HDAC8: variants seen among roughly 807,000 people sequenced by gnomAD.
The protein encoded by HDAC8 is histone deacetylase-like 1.
A neutral mutation model predicts 32.2 loss-of-function variants in HDAC8; 1 was observed. That is an observed-to-expected ratio of 0.03 (90% CI 0.01 to 0.15). The LOEUF is 0.15. HDAC8 is among the 10% of genes least tolerant of loss of function. HDAC8 has a pLI of 1.00. For missense variants in HDAC8, 117 were observed against 300.0 expected (o/e 0.39, Z 4.51); for synonymous variants, 108 against 113.9 (o/e 0.95, Z 0.33).
rs782008269 is a variant in HDAC8 at position 72,536,085 on chromosome X, T to C, written c.437+31804A>G. 7.1e-5 allele frequency among the ~76,000 whole-genome samples: 8 copies of C among 111,946 alleles called. No homozygotes were observed. The South Asian group carries it at 3.0e-3, about 42-fold the overall frequency. ...AATGTCCAAACCTTGTTATGATATCTTCTGTGGGCTCCTTTTCGTAACACC... is the reference window on the plus strand; with the variant it reads ...AATGTCCAAACCTTGTTATGATATCCTCTGTGGGCTCCTTTTCGTAACACC... On this transcript the variant is annotated intron_variant, in intron 4 of 10. Coordinates refer to ENST00000373573, the MANE Select transcript of HDAC8 (RefSeq NM_018486.3).
intron 9 of HDAC8, among the ~76,000 whole-genome samples, chrX:72,418,780 T>A (rs1424030095): frequency 9.0e-6 from 1 of 111,478 alleles, no homozygotes; most frequent in African/African-American, 3.3e-5. Flanking sequence ...TATATGTAGA[T>A]TGTTGATTTA....
intron 4 of HDAC8, among the ~76,000 whole-genome samples, chrX:72,509,692 T>G (rs1450012257): frequency 1.8e-5 from 2 of 110,389 alleles, no homozygotes; most frequent in African/African-American, 6.6e-5. Context: ...AAGCGAAGAG[T>G]GGAATGGTAG....
At chrX:72,562,775 T>C (rs1556123633) in intron 4 of HDAC8, among the ~76,000 whole-genome samples, 1 of 111,554 alleles carries the variant, frequency 9.0e-6, no homozygotes, top group Admixed American at 9.5e-5. Flanking sequence ...TATATTATTG[T>C]TATTCTAAGA....
chrX:72,411,816 A>G lies in HDAC8; in HGVS notation c.1005+50188T>C, dbSNP rs180839340. Among the ~76,000 whole-genome samples, 5 of 112,209 alleles carry G rather than the reference A, an allele frequency of 4.5e-5. No homozygotes were observed. In the East Asian group the frequency reaches 1.4e-3, roughly 31 times the overall value. ...GACAGTAAGAGGACTCATGCTCCAA[A>G]TCAGGGAGAATCGCCAAAGCTTGGG... On this transcript the variant is annotated intron_variant, in intron 9 of 10. Coordinates refer to ENST00000373573, the MANE Select transcript of HDAC8 (RefSeq NM_018486.3).
In HDAC8 at chrX:72,380,608, C is replaced by T. The variant is rs1412406367; in HGVS notation, c.1006-28770G>A. 2.2e-4 allele frequency among the ~76,000 whole-genome samples: 25 copies of T among 111,598 alleles called. No individual in the cohort carries two copies. The Admixed American group carries it at 2.4e-3, about 11-fold the overall frequency. On this transcript the variant is annotated intron_variant, in intron 9 of 10. Transcript: ENST00000373573. ...CTATGGCTGCTTTTGTGTACAACAGCAGAATTGAGTAGTTGGGACAGAAAT... is the reference window on the plus strand; with the variant it reads ...CTATGGCTGCTTTTGTGTACAACAGTAGAATTGAGTAGTTGGGACAGAAAT...
chrX:72,449,255 A>G (rs1269114387), intron 9 of HDAC8, among the ~76,000 whole-genome samples: 2 of 111,737 alleles, frequency 1.8e-5, no homozygotes, highest in East Asian at 5.6e-4. Context: ...AGCCATAAAA[A>G]AGGATGAGTT....
At position 72,379,647 on chromosome X, in the gene HDAC8, G is replaced by A. The variant is rs193198361; in HGVS notation, c.1006-27809C>T. Reference sequence around the variant, plus strand: ...CAAGTAGCTAGGATTACAGGCATGCGCCATGACGCCCGGCTAATTTTCTTT... The same window carrying A: ...CAAGTAGCTAGGATTACAGGCATGCACCATGACGCCCGGCTAATTTTCTTT... On this transcript the variant is annotated intron_variant, in intron 9 of 10. Transcript: ENST00000373573. 1.2e-3 allele frequency among the ~76,000 whole-genome samples: 134 copies of A among 108,953 alleles called. No homozygotes were observed. The South Asian group carries it at 0.019, about 15-fold the overall frequency. The allele number at this position is 108,953 out of a possible 115,157, so 94.6% of individuals were successfully genotyped here.
chrX:72,411,106 A>G (rs2046184017), intron 9 of HDAC8, among the ~76,000 whole-genome samples: 1 of 105,098 alleles, frequency 9.5e-6, no homozygotes, highest in Non-Finnish European at 1.9e-5. Context: ...GCTCACTGCA[A>G]CCTCTGCCTG....
intron 9 of HDAC8, among the ~76,000 whole-genome samples, chrX:72,390,421 C>T (rs2045582247): frequency 8.9e-6 from 1 of 112,330 alleles, no homozygotes; most frequent in South Asian, 3.7e-4. Context: ...ATTCAAAATT[C>T]ACTCTTCTAG....
intron 10 of HDAC8, 133 bp from the exon 11 acceptor site, chrX:72,330,209 G>A (rs1171878136): frequency 2.5e-5 from 12 of 488,927 alleles, no homozygotes; most frequent in African/African-American, 1.9e-4. Flanking sequence ...CTGTGACCTC[G>A]CCATAAGGAA....
Position 72,495,259 on chromosome X carries a change from T to C in HDAC8, c.447A>G (p.Ala149=). The C allele has an allele frequency of 8.4e-7, 1 of 1,192,663 alleles. No individual in the cohort carries two copies. Among genetic ancestry groups the C allele is most frequent in the Non-Finnish European group, 1.1e-6 (1 of 880,141 alleles). ...CATCATTGAGATAACAAAAACCAGATGCTTCATCTCTGTAAGAAAACAAGT... is the reference window on the plus strand; with the variant it reads ...CATCATTGAGATAACAAAAACCAGACGCTTCATCTCTGTAAGAAAACAAGT... ...GGWHHAKKDE[A]SGFCYLNDAV... is the part of the protein sequence containing the mutation. The change falls in exon 5 of 11, where the codon GCA becomes GCG. Residue 149 remains alanine (A), a synonymous_variant. Coordinates refer to ENST00000373573, the MANE Select transcript of HDAC8 (RefSeq NM_018486.3).
chrX:72,411,738 T>G (rs1183172126), intron 9 of HDAC8, among the ~76,000 whole-genome samples: 1 of 112,231 alleles, frequency 8.9e-6, no homozygotes, highest in Non-Finnish European at 1.9e-5. Context: ...ATTTTGAGAA[T>G]AGCATATCTA....
At chrX:72,383,869 C>CAAAAA (rs782518910) in intron 9 of HDAC8, among the ~76,000 whole-genome samples, 1 of 29,541 alleles carries the variant, frequency 3.4e-5, no homozygotes, top group Non-Finnish European at 7.0e-5. Context: ...GATGCCATCT[C>CAAAAA]AAAAAAAAAA....
intron 9 of HDAC8, among the ~76,000 whole-genome samples, chrX:72,369,493 GTTGT>G (rs781981876): frequency 8.9e-6 from 1 of 112,571 alleles, no homozygotes; most frequent in African/African-American, 3.2e-5. Flanking sequence ...GTTTGTTTCT[GTTGT>G]TTGTTAAGTG....
intron 4 of HDAC8, among the ~76,000 whole-genome samples, chrX:72,501,067 G>C (rs1449621068): frequency 2.7e-5 from 3 of 111,045 alleles, no homozygotes; most frequent in Non-Finnish European, 5.7e-5. Context: ...TTACCAGGGA[G>C]GTGAAAGATC....
chrX:72,397,090 GAGTGATGGGGGGA>G (rs1333030248), intron 9 of HDAC8, among the ~76,000 whole-genome samples: 1 of 110,470 alleles, frequency 9.1e-6, no homozygotes. Context: ...GCAGGAGCAA[GAGTGATGGGGGGA>G]AGTGCCACAT....
At chrX:72,396,749 C>T (rs782671322) in intron 9 of HDAC8, among the ~76,000 whole-genome samples, 1 of 110,182 alleles carries the variant, frequency 9.1e-6, no homozygotes, top group South Asian at 3.9e-4. Context: ...GCCTTTAATC[C>T]CAGCTACTTG....
chrX:72,534,671 G>T (rs1556038109), intron 4 of HDAC8, among the ~76,000 whole-genome samples: 2 of 111,569 alleles, frequency 1.8e-5, no homozygotes, highest in African/African-American at 6.5e-5. Flanking sequence ...ATTGTTGAGA[G>T]AAATTAAAGA....
chrX:72,500,347 A>G lies in HDAC8; in HGVS notation c.438-5079T>C, dbSNP rs1261248577. 3.6e-5 allele frequency among the ~76,000 whole-genome samples: 4 copies of G among 111,869 alleles called. No homozygotes were observed. In the Admixed American group the frequency reaches 3.8e-4, roughly 11 times the overall value. On this transcript the variant is annotated intron_variant, in intron 4 of 10. Coordinates refer to ENST00000373573, the MANE Select transcript of HDAC8 (RefSeq NM_018486.3). The stretch of plus-strand genomic sequence containing the variant: ...ACAAAAAAGAAAACATCAAGCCAAT[A>G]TCCTTGATGAATACTAATGCAAAAA...
Sources: gnomAD v4.1 joint callset for allele counts (sites outside exome capture counted in the v4.1 genomes callset) on GRCh38, gnomAD v4.1.1 for gene constraint, MANE v1.5 for transcripts, NCBI Gene and HGNC (gene_info 2026-07-23, HGNC 2026-07-21) for gene names.